The following EFL1 variants were observed in gnomAD, a reference collection of about 807,000 sequenced individuals.
The protein encoded by EFL1 is elongation factor like GTPase 1.
Under a neutral mutation model 126.7 loss-of-function variants are expected in EFL1, and 76 were observed. The observed-to-expected ratio is 0.60, with a 90% confidence interval of 0.50 to 0.73. The LOEUF is 0.73. Ranked by LOEUF, EFL1 falls within the 30% of genes least tolerant of loss-of-function variation. The pLI is 0.00. For synonymous variants in EFL1, 410 were observed against 448.4 expected (o/e 0.91, Z 1.08); for missense variants, 1,128 against 1,343.2 (o/e 0.84, Z 2.50).
At chr15:82,147,626 T>C (rs753216783) in intron 18 of EFL1, among the ~76,000 whole-genome samples, 4 of 52,260 alleles carry the variant, frequency 7.7e-5, no homozygotes, top group Non-Finnish European at 1.4e-4. Flanking sequence ...GGGGCAATAG[T>C]GAAAAAAAAA....
At chr15:82,228,885 G>T in intron 9 of EFL1, 149 bp downstream of exon 9, 1 of 634,690 alleles carries the variant, frequency 1.6e-6, no homozygotes, top group Non-Finnish European at 2.7e-6. Flanking sequence ...TCTTTAAATT[G>T]CTTCCAAGCC....
intron 15 of EFL1, among the ~76,000 whole-genome samples, chr15:82,210,544 C>A (rs2074572986): frequency 1.3e-5 from 2 of 152,074 alleles, no homozygotes; most frequent in South Asian, 4.2e-4. Flanking sequence ...GACTTTAGCC[C>A]CCAGGCTTTG....
At chr15:82,140,073 G>A (rs1300474722) in intron 18 of EFL1, among the ~76,000 whole-genome samples, 1 of 152,138 alleles carries the variant, frequency 6.6e-6, no homozygotes, top group Non-Finnish European at 1.5e-5. Flanking sequence ...TAAAATCTCT[G>A]ATGAGCCTTC....
chr15:82,197,476 G>C (rs527766971), intron 15 of EFL1, among the ~76,000 whole-genome samples: 1 of 152,218 alleles, frequency 6.6e-6, no homozygotes, highest in Admixed American at 6.5e-5. Context: ...CAGTCATCTG[G>C]GAAACATAAA....
intron 12 of EFL1, among the ~76,000 whole-genome samples, chr15:82,221,419 C>G (rs2074711029): frequency 6.6e-6 from 1 of 152,178 alleles, no homozygotes; most frequent in Non-Finnish European, 1.5e-5. Flanking sequence ...CTAACTCCTT[C>G]TACCTTTCTA....
At chr15:82,236,559 T>C (rs1194710538) in intron 7 of EFL1, among the ~76,000 whole-genome samples, 1 of 152,194 alleles carries the variant, frequency 6.6e-6, no homozygotes, top group Admixed American at 6.5e-5. Context: ...AAAGCAATTC[T>C]ATGGAGAATA....
chr15:82,200,666 A>G (rs1158008919), intron 15 of EFL1, among the ~76,000 whole-genome samples: 1 of 152,230 alleles, frequency 6.6e-6, no homozygotes, highest in Non-Finnish European at 1.5e-5. Context: ...GTACTATCTG[A>G]GCTAAACAAA....
At position 82,252,783 on chromosome 15, in the gene EFL1, A is replaced by G; in HGVS notation, c.160-8T>C. 6.7e-7 allele frequency: 1 copy of G among 1,488,184 alleles called. No homozygotes were observed. Among genetic ancestry groups the G allele is most frequent in the South Asian group, 1.1e-5 (1 of 87,010 alleles). The allele number at this position is 1,488,184 out of a possible 1,614,324, so 92.2% of individuals were successfully genotyped here. A position where few individuals can be genotyped will look rare whatever the true frequency, so the allele number is the denominator to read the frequency against. ...GCTGTCCATGTACCTTAACTGGAAA[A>G]ATGCAACATATGCATCTTCACTTCC... On this transcript the variant is annotated splice_polypyrimidine_tract_variant and splice_region_variant and intron_variant, in intron 3 of 19. Transcript: ENST00000268206.
At position 82,227,564 on chromosome 15, in the gene EFL1, A is replaced by G; in HGVS notation, c.1078T>C (p.Cys360Arg). The G allele has an allele frequency of 6.2e-7, 1 of 1,614,174 alleles. No individual in the cohort carries two copies. Among genetic ancestry groups the G allele is most frequent in the East Asian group, 2.2e-5 (1 of 44,882 alleles). ...PISHAVLAMV[C>R]QKLPSPLDIT... ...TCAAGGGGACTAGGAAGTTTCTGAC[A>G]CACCATAGCTGAAGTCTATTGTTAA... Residue 360 changes from cysteine (C) to arginine (R), a missense_variant, in exon 11 of 20, where the codon TGT (cysteine) becomes CGT (arginine). Physicochemically the swap from Cys to Arg is radical, Grantham distance 180. This residue lies in a region of EFL1 where 316 missense variants were observed against 318.5 expected (regional missense o/e 0.99). Transcript: ENST00000268206.
chr15:82,175,821 A>G (rs1352324740), intron 15 of EFL1, among the ~76,000 whole-genome samples: 1 of 152,236 alleles, frequency 6.6e-6, no homozygotes, highest in Non-Finnish European at 1.5e-5. Flanking sequence ...TACATCTTAA[A>G]AACTGAATTT....
rs372509575 is a variant in EFL1, at chr15:82,252,689, A to C, written c.244+2T>G. Reference sequence around the variant, plus strand: ...GTTTCGTTAAAACACAGACTGATTTACCTGTTGCATAATGTAGGGAAATGG... The same window carrying C: ...GTTTCGTTAAAACACAGACTGATTTCCCTGTTGCATAATGTAGGGAAATGG... On this transcript the variant is annotated splice_donor_variant, in intron 4 of 19. Transcript: ENST00000268206. LOFTEE classifies it high-confidence loss of function. 1.1e-5 allele frequency: 17 copies of C among 1,611,060 alleles called. No homozygotes were observed. The highest frequency in any genetic ancestry group is 2.7e-5 in the African/African-American group (2 of 74,872).
chr15:82,163,979 C>T lies in EFL1; in HGVS notation c.1756G>A (p.Gly586Arg). The T allele has an allele frequency of 1.2e-6, 2 of 1,613,628 alleles. No individual in the cohort carries two copies. Among genetic ancestry groups the T allele is most frequent in the Non-Finnish European group, 8.5e-7 (1 of 1,179,810 alleles). ...EVPPGNVLGI[G>R]GLQDFVLKSA... Reference sequence around the variant, plus strand: ...TTCAGCACAAAATCTTGAAGGCCTCCTATTCCTGTAGGAAGAAAAGATCCA... The same window carrying T: ...TTCAGCACAAAATCTTGAAGGCCTCTTATTCCTGTAGGAAGAAAAGATCCA... Residue 586 changes from glycine (G) to arginine (R), a missense_variant, in exon 16 of 20, where the codon GGA (glycine) becomes AGA (arginine). This residue lies in a region of EFL1 where 561 missense variants were observed against 641.7 expected (regional missense o/e 0.87). Transcript: ENST00000268206.
rs763315380 is a variant in EFL1 at position 82,151,988 on chromosome 15, T to C, written c.2466A>G (p.Gln822=). Residue 822 remains glutamine (Q), a synonymous_variant, in exon 18 of 20, where the codon CAA becomes CAG. Transcript: ENST00000268206. ...ATTTTCTTGGGCCAAATGACCAGATTTGGTCAACAATGTTCCTCCATCTTC... is the reference window on the plus strand; with the variant it reads ...ATTTTCTTGGGCCAAATGACCAGATCTGGTCAACAATGTTCCTCCATCTTC... ...TGRRWRNIVD[Q]IWSFGPRKCG... is the part of the protein sequence containing the mutation. The C allele has an allele frequency of 8.1e-6, 13 of 1,614,042 alleles. No homozygotes were observed. The Admixed American group carries it at 2.0e-4, about 25-fold the overall frequency.
chr15:82,251,739 CATCT>C (rs2075023419), intron 4 of EFL1, among the ~76,000 whole-genome samples: 1 of 152,184 alleles, frequency 6.6e-6, no homozygotes, highest in South Asian at 2.1e-4. Flanking sequence ...CCACACAGTA[CATCT>C]TTTGGTGGCA....
At chr15:82,174,328 AG>A (rs2074170771) in intron 15 of EFL1, 1 of 152,180 alleles carries the variant, frequency 6.6e-6, no homozygotes, top group African/African-American at 2.4e-5. Flanking sequence ...GTACTGAATA[AG>A]CCTCGCCCTG....
intron 5 of EFL1, 103 bp downstream of exon 5, chr15:82,241,167 T>A (rs1003561902): frequency 7.2e-7 from 1 of 1,384,232 alleles, no homozygotes; most frequent in Admixed American, 1.9e-5. Flanking sequence ...ATGTGAAATA[T>A]AAAACCAATG....
chr15:82,135,666 T>C (rs2073713205), intron 19 of EFL1, among the ~76,000 whole-genome samples: 1 of 152,212 alleles, frequency 6.6e-6, no homozygotes, highest in South Asian at 2.1e-4. Flanking sequence ...GCCATAGATC[T>C]AAAGACTACA....
chr15:82,238,644 C>T, intron 6 of EFL1, 123 bp from the exon 7 acceptor site: 1 of 763,760 alleles, frequency 1.3e-6, no homozygotes, highest in Non-Finnish European at 2.1e-6. Context: ...ATTAAGCATA[C>T]ATGAATGGAG....
intron 16 of EFL1, among the ~76,000 whole-genome samples, chr15:82,160,420 G>C (rs2074011239): frequency 6.6e-6 from 1 of 152,158 alleles, no homozygotes; most frequent in Non-Finnish European, 1.5e-5. Flanking sequence ...ACTAAATTTT[G>C]AAGCAATATG....
Sources: gnomAD v4.1 joint callset for allele counts (sites outside exome capture counted in the v4.1 genomes callset) on GRCh38, gnomAD v4.1.1 for gene constraint, gnomAD v4.1.1 regional missense constraint, MANE v1.5 for transcripts, NCBI Gene and HGNC (gene_info 2026-07-23, HGNC 2026-07-21) for gene names.